The following BIRC6 variants were observed in gnomAD, a reference collection of about 807,000 sequenced individuals.
BIRC6 encodes the protein baculoviral IAP repeat containing 6.
In BIRC6, 98 loss-of-function variants were observed where a neutral mutation model predicts 503.3. The observed-to-expected ratio is 0.19, with a 90% CI of 0.17 to 0.23. BIRC6 has a LOEUF of 0.23. Among genes scored for constraint, BIRC6 ranks in the 10% least tolerant of loss-of-function variants. The pLI is 1.00. For synonymous variants in BIRC6, 2,240 were observed against 2,078.7 expected, an observed-to-expected ratio of 1.08 and a Z score of -2.11; for missense variants, 5,360 against 5,806.0, an observed-to-expected ratio of 0.92 and a Z score of 2.50.
chr2:32,516,515 CAA>C (rs540024426), intron 55 of BIRC6, among the ~76,000 whole-genome samples: 29 of 51,144 alleles, frequency 5.7e-4, no homozygotes, highest in South Asian at 1.4e-3. Context: ...GACTCTGTCT[CAA>C]AAAAAAAAAA....
intron 65 of BIRC6, among the ~76,000 whole-genome samples, chr2:32,554,380 TG>T (rs889609738): frequency 2.6e-5 from 4 of 152,128 alleles, no homozygotes; most frequent in African/African-American, 9.7e-5. Context: ...TCTAGAGAAA[TG>T]TATTCAGTTG....
chr2:32,472,011 G>A (rs1347604819), intron 32 of BIRC6, among the ~76,000 whole-genome samples: 6 of 152,170 alleles, frequency 3.9e-5, no homozygotes, highest in African/African-American at 9.7e-5. Context: ...GTATATCTAT[G>A]ATTAGTTTAC....
intron 23 of BIRC6, among the ~76,000 whole-genome samples, chr2:32,460,443 A>AT (rs2047767029): frequency 6.6e-6 from 1 of 150,496 alleles, no homozygotes; most frequent in Non-Finnish European, 1.5e-5. Flanking sequence ...CACCCAGCTA[A>AT]TTTTTGTATT....
At chr2:32,416,781 C>T (rs1159745860) in intron 10 of BIRC6, among the ~76,000 whole-genome samples, 2 of 148,862 alleles carry the variant, frequency 1.3e-5, no homozygotes, top group African/African-American at 5.0e-5. Context: ...TTTCCTTTCC[C>T]CTTTCCCCCT....
At chr2:32,512,157 C>T (rs1055592600) in intron 53 of BIRC6, among the ~76,000 whole-genome samples, 6 of 152,138 alleles carry the variant, frequency 3.9e-5, no homozygotes, top group African/African-American at 1.4e-4. Flanking sequence ...TCTGAATTCT[C>T]TTTATTCCCC....
At chr2:32,362,463 C>A (rs533088745) in intron 1 of BIRC6, among the ~76,000 whole-genome samples, 56 of 151,726 alleles carry the variant, frequency 3.7e-4, no homozygotes, top group African/African-American at 1.3e-3. Context: ...CTACAGGTGC[C>A]CCCCACCAGA....
At chr2:32,460,603 G>A (rs768219470) in intron 23 of BIRC6, among the ~76,000 whole-genome samples, 2 of 151,576 alleles carry the variant, frequency 1.3e-5, no homozygotes, top group African/African-American at 4.8e-5. Flanking sequence ...TATAACTAGA[G>A]TTTTTGAGGC....
At chr2:32,502,737 G>A in intron 47 of BIRC6, 58 bp from the exon 48 acceptor site, 1 of 1,328,832 alleles carries the variant, frequency 7.5e-7, no homozygotes. Flanking sequence ...CATGCATTGA[G>A]TTTAGTTCTT....
At position 32,404,502 on chromosome 2, in the gene BIRC6, A is replaced by G. The variant is rs546083657; in HGVS notation, c.1419-1997A>G. Among the ~76,000 whole-genome samples, 70 of 150,388 alleles carry G rather than the reference A, an allele frequency of 4.7e-4. 1 individual carries two copies. The South Asian group carries it at 0.012, about 26-fold the overall frequency. ...GGTAAATTTTGTATTTTTAGTAGAGACGGGTTTCACCATGTTGGCCAGGCT... is the reference window on the plus strand; with the variant it reads ...GGTAAATTTTGTATTTTTAGTAGAGGCGGGTTTCACCATGTTGGCCAGGCT... On this transcript the variant is annotated intron_variant, in intron 8 of 73. Transcript: ENST00000421745.
intron 34 of BIRC6, among the ~76,000 whole-genome samples, chr2:32,477,059 G>C (rs2049846176): frequency 6.6e-6 from 1 of 152,026 alleles, no homozygotes; most frequent in South Asian, 2.1e-4. Flanking sequence ...TTATGTTTAG[G>C]ATGTTACGGT....
intron 41 of BIRC6, 22 bp downstream of exon 41, chr2:32,487,823 T>C: frequency 6.3e-7 from 1 of 1,585,352 alleles, no homozygotes; most frequent in East Asian, 2.2e-5. Context: ...GGAGAAATGG[T>C]GTATTTTTAC....
At chr2:32,589,737 C>A (rs774406243) in intron 66 of BIRC6, among the ~76,000 whole-genome samples, 1 of 152,074 alleles carries the variant, frequency 6.6e-6, no homozygotes, top group Non-Finnish European at 1.5e-5. Flanking sequence ...GTTGGGTTGT[C>A]CCCTGGTAAA....
intron 66 of BIRC6, among the ~76,000 whole-genome samples, chr2:32,584,388 C>T (rs1306389077): frequency 3.9e-5 from 6 of 151,908 alleles, no homozygotes; most frequent in African/African-American, 7.3e-5. Flanking sequence ...AAATTAGCTG[C>T]GTGTGGTGGC....
chr2:32,382,719 TA>T (rs1459025186), intron 3 of BIRC6, among the ~76,000 whole-genome samples: 1 of 152,220 alleles, frequency 6.6e-6, no homozygotes, highest in Non-Finnish European at 1.5e-5. Flanking sequence ...TTATGCTTTT[TA>T]AAAAATTTAT....
intron 57 of BIRC6, among the ~76,000 whole-genome samples, chr2:32,519,401 C>T (rs976026142): frequency 2.6e-5 from 4 of 152,202 alleles, no homozygotes; most frequent in African/African-American, 9.6e-5. Flanking sequence ...GCAGACAGAA[C>T]ATTTTCCCCT....
chr2:32,420,343 A>AT (rs570720873), intron 10 of BIRC6, among the ~76,000 whole-genome samples: 65 of 151,746 alleles, frequency 4.3e-4, no homozygotes, highest in African/African-American at 1.1e-3. Flanking sequence ...GGGCCCAGAG[A>AT]TTTTTTTTAG....
intron 73 of BIRC6, among the ~76,000 whole-genome samples, chr2:32,614,839 TAAATG>T (rs753386986): frequency 1.4e-4 from 22 of 152,058 alleles, no homozygotes; most frequent in Non-Finnish European, 2.5e-4. Flanking sequence ...TCTTAAAAAA[TAAATG>T]AAAAGTATGT....
chr2:32,446,099 G>A (rs1056690704), intron 21 of BIRC6, among the ~76,000 whole-genome samples: 2 of 151,840 alleles, frequency 1.3e-5, no homozygotes, highest in African/African-American at 2.4e-5. Flanking sequence ...CAGTTGATCC[G>A]CCCGCCTCAG....
chr2:32,389,928 C>T (rs1407797894), intron 4 of BIRC6, among the ~76,000 whole-genome samples: 4 of 146,736 alleles, frequency 2.7e-5, no homozygotes, highest in East Asian at 4.1e-4. Context: ...GGCACGATCT[C>T]GGCTCACCGC....
Sources: allele counts gnomAD v4.1 joint callset (sites outside exome capture counted in the v4.1 genomes callset), GRCh38; gene constraint gnomAD v4.1.1; transcripts MANE v1.5; gene names NCBI Gene and HGNC (gene_info 2026-07-23, HGNC 2026-07-21).